The following PCDHA2 variants were observed in gnomAD, a reference collection of about 807,000 sequenced individuals.
PCDHA2 encodes the protein protocadherin alpha-2.
PCDHA2 carries 58 observed loss-of-function variants against 66.0 expected under a neutral mutation model. The ratio of observed to expected loss-of-function variants is 0.88; its 90% CI spans 0.71 to 1.09. The LOEUF (loss-of-function observed/expected upper bound fraction) is 1.09. Among genes scored for constraint, PCDHA2 ranks in the 50% least tolerant of loss-of-function variants. PCDHA2 has a pLI of 0.00. For missense variants in PCDHA2, 1,267 were observed against 1,242.3 expected, an observed-to-expected ratio of 1.02 and a Z score of -0.30; for synonymous variants, 634 against 554.0, an observed-to-expected ratio of 1.14 and a Z score of -2.03.
At chr5:140,875,761 G>C (rs373515339) in intron 1 of PCDHA2, 4 of 1,614,118 alleles carry the variant, frequency 2.5e-6, no homozygotes, top group East Asian at 4.5e-5. Context: ...GAAGCTGTGC[G>C]GGCGGAGCGC....
intron 3 of PCDHA2, among the ~76,000 whole-genome samples, chr5:140,988,517 T>C (rs184897922): frequency 3.0e-3 from 461 of 152,278 alleles, no homozygotes; most frequent in Middle Eastern, 0.014. Context: ...CTTACTTAAG[T>C]CTCTGCTGGC....
chr5:140,958,422 C>A (rs1436234763), intron 1 of PCDHA2, among the ~76,000 whole-genome samples: 1 of 152,120 alleles, frequency 6.6e-6, no homozygotes, highest in African/African-American at 2.4e-5. Context: ...TGGAAAGAAG[C>A]ACTTTTTATA....
intron 1 of PCDHA2, chr5:140,835,881 G>C (rs2150247324): frequency 1.2e-6 from 2 of 1,612,004 alleles, no homozygotes; most frequent in South Asian, 2.2e-5. Flanking sequence ...GCTGCGGGTG[G>C]GCGAGCGCGC....
chr5:140,829,749 T>A, intron 1 of PCDHA2: 1 of 1,613,676 alleles, frequency 6.2e-7, no homozygotes, highest in Non-Finnish European at 8.5e-7. Flanking sequence ...ACGCTGCAGG[T>A]GTTCGTGCTG....
At chr5:140,960,068 T>C (rs144291604) in intron 1 of PCDHA2, among the ~76,000 whole-genome samples, 1 of 152,358 alleles carries the variant, frequency 6.6e-6, no homozygotes, top group African/African-American at 2.4e-5. Flanking sequence ...GAAGATTCAA[T>C]TGAAGTTTCT....
intron 1 of PCDHA2, chr5:140,801,253 T>C: frequency 4.3e-6 from 7 of 1,613,752 alleles, no homozygotes; most frequent in Non-Finnish European, 5.9e-6. Context: ...CTTTCTCTTC[T>C]GCTCCTCGCA....
Position 140,842,759 on chromosome 5 carries a change from C to T in PCDHA2, c.2388+45407C>T, listed in dbSNP as rs1270005538. 3 of 1,594,688 alleles carry T rather than the reference C, an allele frequency of 1.9e-6. No homozygotes were observed. The East Asian group carries it at 6.7e-5, about 36-fold the overall frequency. ...CTGCCACATCTTCACGGTGTCTGCG[C>T]GAGACGCGGACGCGCAGGAGAACGC... is the stretch of plus-strand genomic sequence containing the variant. On this transcript the variant is annotated intron_variant, in intron 1 of 3. Coordinates refer to ENST00000526136, the MANE Select transcript of PCDHA2 (RefSeq NM_018905.3).
intron 1 of PCDHA2, among the ~76,000 whole-genome samples, chr5:140,921,032 T>A (rs6887800): frequency 0.023 from 3,565 of 152,036 alleles, 50 homozygotes; most frequent in Middle Eastern, 0.034. Context: ...TAGACTGGGG[T>A]GCAGTGGGGC....
chr5:140,970,751 T>G (rs2096430046), intron 1 of PCDHA2, among the ~76,000 whole-genome samples: 1 of 152,232 alleles, frequency 6.6e-6, no homozygotes, highest in African/African-American at 2.4e-5. Flanking sequence ...GCAATATATT[T>G]TCATTGACAT....
At chr5:140,931,751 A>G (rs1393748704) in intron 1 of PCDHA2, among the ~76,000 whole-genome samples, 2 of 151,952 alleles carry the variant, frequency 1.3e-5, no homozygotes, top group African/African-American at 4.8e-5. Context: ...TCACAAAGGC[A>G]TTTGTTATTT....
At chr5:140,883,758 G>T in intron 1 of PCDHA2, 1 of 1,612,920 alleles carries the variant, frequency 6.2e-7, no homozygotes, top group Non-Finnish European at 8.5e-7. Flanking sequence ...CTGGTGGAGC[G>T]GCGGGTGGGC....
chr5:140,841,226 G>C (rs892482314), intron 1 of PCDHA2: 17 of 1,452,002 alleles, frequency 1.2e-5, no homozygotes, highest in African/African-American at 2.9e-5. Flanking sequence ...GCCGAACAAC[G>C]GGAGATGCAG....
intron 1 of PCDHA2, chr5:140,966,644 GCGTGAGCGGT>G (rs1554228519): frequency 3.3e-5 from 37 of 1,127,012 alleles, no homozygotes; most frequent in Non-Finnish European, 4.3e-5. Flanking sequence ...GCTTTCTAGA[GCGTGAGCGGT>G]GGGGGAGCAG....
intron 1 of PCDHA2, chr5:140,882,226 G>A (rs778262653): frequency 1.3e-6 from 2 of 1,564,150 alleles, no homozygotes; most frequent in Non-Finnish European, 1.7e-6. Context: ...GAGGTAAGGC[G>A]TTGTATATAT....
chr5:140,861,487 G>A, intron 1 of PCDHA2: 1 of 490,310 alleles, frequency 2.0e-6, no homozygotes, highest in Non-Finnish European at 4.2e-6. Context: ...ATTTTTGTGA[G>A]TTCTCTGATA....
chr5:140,803,100 C>A, intron 1 of PCDHA2: 2 of 1,613,876 alleles, frequency 1.2e-6, no homozygotes, highest in African/African-American at 1.3e-5. Flanking sequence ...CAGCACGACC[C>A]GTGCCCTGGA....
intron 1 of PCDHA2, among the ~76,000 whole-genome samples, chr5:140,896,855 A>G (rs2065775013): frequency 6.6e-6 from 1 of 152,196 alleles, no homozygotes; most frequent in South Asian, 2.1e-4. Flanking sequence ...TTATGGGTAC[A>G]TAATAAGTGT....
Position 140,795,301 on chromosome 5 carries a change from C to A in PCDHA2, c.337C>A (p.Pro113Thr), listed in dbSNP as rs7727472. The A allele has an allele frequency of 3.5e-5, 57 of 1,614,192 alleles. No homozygotes were observed. In the African/African-American group the frequency reaches 6.9e-4, roughly 20 times the overall value. The change falls in exon 1 of 4, where the codon CCG (proline) becomes ACG (threonine). Residue 113 changes from proline (P) to threonine (T), a missense_variant. By Grantham distance (38) the Pro-to-Thr change is conservative. Coordinates refer to ENST00000526136, the MANE Select transcript of PCDHA2 (RefSeq NM_018905.3). ...SIHVEVIVDR[P>T]LQVFHVEVEV... ...CCACGTGGAGGTGATCGTGGACAGGCCGCTGCAGGTTTTCCATGTGGAAGT... is the reference window on the plus strand; with the variant it reads ...CCACGTGGAGGTGATCGTGGACAGGACGCTGCAGGTTTTCCATGTGGAAGT...
chr5:140,848,596 C>T (rs2150413733), intron 1 of PCDHA2: 2 of 1,594,204 alleles, frequency 1.3e-6, no homozygotes, highest in East Asian at 2.2e-5. Flanking sequence ...CTCCACTACT[C>T]CGTCCCGGAG....
Sources: gnomAD v4.1 joint callset for allele counts (sites outside exome capture counted in the v4.1 genomes callset) on GRCh38, gnomAD v4.1.1 for gene constraint, MANE v1.5 for transcripts, NCBI Gene and HGNC (gene_info 2026-07-23, HGNC 2026-07-21) for gene names.